The following COL12A1 variants were observed in gnomAD, a reference collection of about 807,000 sequenced individuals.
The protein encoded by COL12A1 is collagen type XII alpha 1 chain.
Under a neutral mutation model 349.7 loss-of-function variants are expected in COL12A1, and 114 were observed. The ratio of observed to expected loss-of-function variants is 0.33; its 90% CI spans 0.28 to 0.38. The LOEUF (loss-of-function observed/expected upper bound fraction) is 0.38. COL12A1 is among the 10% of genes least tolerant of loss of function. The pLI is 1.00. For missense variants in COL12A1, 3,284 were observed against 3,756.9 expected (o/e 0.87, Z 3.29); for synonymous variants, 1,369 against 1,329.0 (o/e 1.03, Z -0.66).
chr6:75,134,839 C>T lies in COL12A1; in HGVS notation c.5411G>A (p.Arg1804Gln), dbSNP rs200091648. Residue 1804 changes from arginine to glutamine, a missense_variant, in exon 32 of 66, where the codon CGG becomes CAG. By Grantham distance (43) the Arg-to-Gln change is conservative (BLOSUM62 1). Coordinates refer to ENST00000322507, the MANE Select transcript of COL12A1 (RefSeq NM_004370.6). ...TTTCTGCAGGACCACACTGTTCTGC[C>T]GTCCTCCTATTGTGGTCTTGAGTAA... The part of the protein sequence containing the change: ...GNEQTTTIGG[R>Q]QNSVVLQKLK... 412 of 1,611,132 alleles carry T rather than the reference C, an allele frequency of 2.6e-4. No homozygotes were observed. The highest frequency in any genetic ancestry group is 3.2e-4 in the Non-Finnish European group (375 of 1,178,088).
intron 8 of COL12A1, among the ~76,000 whole-genome samples, chr6:75,184,721 A>T (rs541295529): frequency 2.0e-5 from 3 of 152,224 alleles, no homozygotes; most frequent in Non-Finnish European, 4.4e-5. Flanking sequence ...CACCAAACAG[A>T]GGGGAAACAA....
intron 14 of COL12A1, among the ~76,000 whole-genome samples, chr6:75,164,845 A>C (rs1365745685): frequency 6.6e-6 from 1 of 152,166 alleles, no homozygotes; most frequent in Non-Finnish European, 1.5e-5. Context: ...ATTTACAAAA[A>C]AAAAATATCA....
chr6:75,186,222 A>G (rs1441545909), intron 8 of COL12A1, among the ~76,000 whole-genome samples: 1 of 152,260 alleles, frequency 6.6e-6, no homozygotes, highest in Non-Finnish European at 1.5e-5. Context: ...TATGCATCCA[A>G]CAAAGGTCTA....
intron 11 of COL12A1, among the ~76,000 whole-genome samples, chr6:75,179,272 A>C (rs1232488101): frequency 2.0e-5 from 3 of 152,186 alleles, no homozygotes; most frequent in African/African-American, 7.2e-5. Flanking sequence ...ACCAAAAACT[A>C]GAGTGTGTAT....
chr6:75,101,633 G>A lies in COL12A1; in HGVS notation c.8490C>T (p.Gly2830=). The change falls in exon 58 of 66, where the codon GGC becomes GGT. Residue 2830 remains glycine, a synonymous_variant. Transcript: ENST00000322507. ...CTGGAGGTCCCATTGGTCCTGGTGG[G>A]CCAGGTAATCCTGGGGTTCCCTGCA... ...PGRTGTPGLP[G]PPGPMGPPGD... is the part of the protein sequence containing the mutation. 1.2e-6 allele frequency: 2 copies of A among 1,613,836 alleles called. No individual in the cohort carries two copies. The highest frequency in any genetic ancestry group is 1.7e-4 in the Middle Eastern group (1 of 6,058).
Position 75,192,285 on chromosome 6 carries a change from T to C in COL12A1, c.261A>G (p.Glu87=), listed in dbSNP as rs1252621763. The C allele has an allele frequency of 6.2e-7, 1 of 1,611,520 alleles. No individual in the cohort carries two copies. Among genetic ancestry groups the C allele is most frequent in the Admixed American group, 1.7e-5 (1 of 59,840 alleles). Residue 87 remains glutamate (E), a synonymous_variant, in exon 4 of 66, where the codon GAA becomes GAG. Transcript: ENST00000322507. ...TETLLSELVP[E]TEYVVTITSY... ...AAGTTATTGTCACCACATACTCTGT[T>C]TCAGGTACAAGTTCTGACAATAAAG...
At chr6:75,112,528 C>G (rs1281956729) in intron 51 of COL12A1, among the ~76,000 whole-genome samples, 1 of 151,492 alleles carries the variant, frequency 6.6e-6, no homozygotes, top group Non-Finnish European at 1.5e-5. Context: ...AAAGTTTCTA[C>G]TATCTGCTGG....
chr6:75,140,655 C>CAAAAAA lies in COL12A1; in HGVS notation c.4957+1371_4957+1376dup, dbSNP rs1236499281. Among the ~76,000 whole-genome samples the CAAAAAA allele has an allele frequency of 1.2e-3, 54 of 46,116 alleles. 3 individuals are homozygous for CAAAAAA. Among genetic ancestry groups the CAAAAAA allele is most frequent in the African/African-American group, 4.5e-3 (50 of 11,138 alleles). The allele number at this position is 46,116 out of a possible 152,430, so 30.3% of individuals were successfully genotyped here. A position where few individuals can be genotyped will look rare whatever the true frequency, so the allele number is the denominator to read the frequency against. ...TGGGTGACAGAGCGAGACTCTGTCT[C>CAAAAAA]AAAAAAAAAAAAAAAAAAAAAAAGC... On this transcript the variant is annotated intron_variant, in intron 27 of 65. Transcript: ENST00000322507.
intron 55 of COL12A1, 76 bp downstream of exon 55, chr6:75,103,681 C>T: frequency 1.6e-6 from 2 of 1,249,816 alleles, no homozygotes; most frequent in Non-Finnish European, 2.3e-6. Context: ...AGATCACATA[C>T]CCCCTTTGTG....
rs569758380 is a variant in COL12A1 at position 75,161,608 on chromosome 6, C to A, written c.2983+3899G>T. 5.9e-5 allele frequency among the ~76,000 whole-genome samples: 9 copies of A among 152,246 alleles called. No individual in the cohort carries two copies. The South Asian group carries it at 1.9e-3, about 32-fold the overall frequency. On this transcript the variant is annotated intron_variant, in intron 14 of 65. Coordinates refer to ENST00000322507, the MANE Select transcript of COL12A1 (RefSeq NM_004370.6). Reference sequence around the variant, plus strand: ...TGAAAACTGGCACAAGACAAGGATGCCCTCTCTCACTACTCCTATTCAACA... The same window carrying A: ...TGAAAACTGGCACAAGACAAGGATGACCTCTCTCACTACTCCTATTCAACA...
At chr6:75,131,517 A>C (rs948990942) in intron 35 of COL12A1, among the ~76,000 whole-genome samples, 2 of 152,138 alleles carry the variant, frequency 1.3e-5, no homozygotes, top group African/African-American at 4.8e-5. Flanking sequence ...TCATAGGTTT[A>C]TTTTCCTTTA....
chr6:75,189,564 T>A lies in COL12A1; in HGVS notation c.646A>T (p.Asn216Tyr), dbSNP rs778049385. ...AIKKIPYKGG[N>Y]TMTGDAIDYL... ...CTGTAGAACATACCTGTCATTGTGT[T>A]GCCACCTTTATATGGAATTTTTTTT... The change falls in exon 6 of 66, where the codon AAC becomes TAC. Residue 216 changes from asparagine to tyrosine, a missense_variant. Coordinates refer to ENST00000322507, the MANE Select transcript of COL12A1 (RefSeq NM_004370.6). 1 of 1,612,582 alleles carries A rather than the reference T, an allele frequency of 6.2e-7. No individual in the cohort carries two copies. Among genetic ancestry groups the A allele is most frequent in the South Asian group, 1.1e-5 (1 of 90,918 alleles).
intron 31 of COL12A1, among the ~76,000 whole-genome samples, chr6:75,137,169 A>G (rs992932008): frequency 1.3e-5 from 2 of 152,304 alleles, no homozygotes; most frequent in South Asian, 4.2e-4. Context: ...ATAGTTTTTA[A>G]AGGAACTATG....
Position 75,137,907 on chromosome 6 carries a change from G to A in COL12A1, c.5252-328C>T, listed in dbSNP as rs564263131. Among the ~76,000 whole-genome samples the A allele has an allele frequency of 5.3e-5, 8 of 152,094 alleles. No individual in the cohort carries two copies. In the South Asian group the frequency reaches 1.5e-3, roughly 28 times the overall value. On this transcript the variant is annotated intron_variant, in intron 30 of 65. Transcript: ENST00000322507. The stretch of plus-strand genomic sequence containing the variant: ...GATTAGTCTTTGTAAGAAGAGACAT[G>A]AGAGAGTTTATTCTCTCTCTCTCTC...
intron 17 of COL12A1, among the ~76,000 whole-genome samples, chr6:75,153,078 C>A (rs146460777): frequency 6.6e-6 from 1 of 152,092 alleles, no homozygotes; most frequent in African/African-American, 2.4e-5. Flanking sequence ...TAAAATTATA[C>A]CTTTTTGAGG....
rs776736301 is a variant in COL12A1 at position 75,183,162 on chromosome 6, C to A, written c.1779G>T (p.Glu593Asp). Residue 593 changes from glutamate (E) to aspartate (D), a missense_variant, in exon 10 of 66, where the codon GAG (glutamate) becomes GAT (aspartate). By Grantham distance (45) the Glu-to-Asp change is conservative. This residue lies in a region of COL12A1 where 2,601 missense variants were observed against 2,824.8 expected (regional missense o/e 0.92). Coordinates refer to ENST00000322507, the MANE Select transcript of COL12A1 (RefSeq NM_004370.6). ...AATCTTCCACTGTGAACACATGGGT[C>A]TCTGCAGGAGGAGAGGCAATAGCTT... is the stretch of plus-strand genomic sequence containing the variant. Reference protein sequence around the residue: ...ELEAIASPPAETHVFTVEDFD... With the variant: ...ELEAIASPPADTHVFTVEDFD... 1 of 1,614,152 alleles carries A rather than the reference C, an allele frequency of 6.2e-7. No individual in the cohort carries two copies. The highest frequency in any genetic ancestry group is 8.5e-7 in the Non-Finnish European group (1 of 1,180,028).
intron 17 of COL12A1, 129 bp from the exon 18 acceptor site, chr6:75,152,611 T>G: frequency 1.0e-6 from 1 of 991,608 alleles, no homozygotes. Context: ...AGCTCAGTGA[T>G]GTGGAGTATA....
intron 52 of COL12A1, 32 bp downstream of exon 52, chr6:75,108,986 G>T: frequency 6.3e-7 from 1 of 1,585,314 alleles, no homozygotes; most frequent in Non-Finnish European, 8.5e-7. Context: ...CTTAACACAA[G>T]GTACCAAGAG....
chr6:75,133,754 T>C, intron 33 of COL12A1, 104 bp downstream of exon 33: 1 of 1,299,116 alleles, frequency 7.7e-7, no homozygotes, highest in Non-Finnish European at 1.1e-6. Flanking sequence ...GAATATGAAA[T>C]TCTTCAGCTC....
Sources: allele counts gnomAD v4.1 joint callset (sites outside exome capture counted in the v4.1 genomes callset), GRCh38; gene constraint gnomAD v4.1.1; regional missense constraint gnomAD v4.1.1; transcripts MANE v1.5; gene names NCBI Gene and HGNC (gene_info 2026-07-23, HGNC 2026-07-21).